The following WDR17 variants were observed in gnomAD, a reference collection of about 807,000 sequenced individuals.
The protein encoded by WDR17 is WD repeat-containing protein 17.
A neutral mutation model predicts 161.7 loss-of-function variants in WDR17; 143 were observed. The observed-to-expected ratio is 0.88, with a 90% CI of 0.77 to 1.02. The LOEUF (loss-of-function observed/expected upper bound fraction) is 1.02, where lower values mean the gene tolerates loss of function less well. Among genes scored for constraint, WDR17 ranks in the 50% least tolerant of loss-of-function variants. WDR17 has a pLI of 0.00. For missense variants in WDR17, 1,469 were observed against 1,520.9 expected (o/e 0.97, Z 0.57); for synonymous variants, 517 against 515.6 (o/e 1.00, Z -0.04).
chr4:176,175,828 G>A (rs1049629448), intron 26 of WDR17, among the ~76,000 whole-genome samples: 1 of 152,138 alleles, frequency 6.6e-6, no homozygotes, highest in Non-Finnish European at 1.5e-5. Flanking sequence ...CAAAGTGCTG[G>A]GATTACAGGC....
intron 1 of WDR17, among the ~76,000 whole-genome samples, chr4:176,090,367 G>A (rs947749784): frequency 1.3e-5 from 2 of 151,746 alleles, no homozygotes; most frequent in African/African-American, 4.8e-5. Context: ...ATCAGTGGAA[G>A]TAATCTGAGG....
chr4:176,133,961 A>G (rs1249304969), intron 7 of WDR17, among the ~76,000 whole-genome samples: 1 of 151,768 alleles, frequency 6.6e-6, no homozygotes, highest in Non-Finnish European at 1.5e-5. Flanking sequence ...TCTTATTTCA[A>G]AAAATAAAAT....
At chr4:176,116,667 A>C (rs928437166) in intron 3 of WDR17, among the ~76,000 whole-genome samples, 6 of 151,876 alleles carry the variant, frequency 4.0e-5, no homozygotes, top group Non-Finnish European at 8.9e-5. Flanking sequence ...TTCTCTAAAA[A>C]TAATTGTTAT....
At chr4:176,151,365 G>C (rs1579198337) in intron 16 of WDR17, among the ~76,000 whole-genome samples, 1 of 152,054 alleles carries the variant, frequency 6.6e-6, no homozygotes, top group East Asian at 1.9e-4. Context: ...AAGAACAATG[G>C]GGTTCAATCT....
At chr4:176,101,763 C>A (rs974352405) in intron 1 of WDR17, among the ~76,000 whole-genome samples, 2 of 151,660 alleles carry the variant, frequency 1.3e-5, no homozygotes, top group African/African-American at 4.8e-5. Flanking sequence ...GGAGCAAAGG[C>A]GATACAGTGA....
intron 1 of WDR17, among the ~76,000 whole-genome samples, chr4:176,071,231 A>C (rs1176404534): frequency 6.6e-6 from 1 of 151,504 alleles, no homozygotes; most frequent in African/African-American, 2.4e-5. Flanking sequence ...ATATTTACTT[A>C]TTTCCTTCCA....
At position 176,125,151 on chromosome 4, in the gene WDR17, A is replaced by G. The variant is rs751134568; in HGVS notation, c.586A>G (p.Thr196Ala). Residue 196 changes from threonine to alanine, a missense_variant, in exon 5 of 29, where the codon ACA becomes GCA. Transcript: ENST00000508596. ...TTTGAGACCAGAATCTCTTGAAGGG[A>G]CAGATGAAGAGGATCCAGTTACGGC... ...HVLRPESLEG[T>A]DEEDPVTALE... 2.5e-6 allele frequency: 4 copies of G among 1,614,172 alleles called. No individual in the cohort carries two copies. The South Asian group carries it at 4.4e-5, about 18-fold the overall frequency.
chr4:176,176,813 C>T lies in WDR17; in HGVS notation c.3450-245C>T, dbSNP rs537214845. Among the ~76,000 whole-genome samples, 184 of 83,680 alleles carry T rather than the reference C, an allele frequency of 2.2e-3. 5 individuals carry two copies. Among genetic ancestry groups the T allele is most frequent in the East Asian group, 1.6e-3 (4 of 2,430 alleles). The allele number at this position is 83,680 out of a possible 152,430, so 54.9% of individuals were successfully genotyped here. A position where few individuals can be genotyped will look rare whatever the true frequency, so the allele number is the denominator to read the frequency against. ...ACATTATGCAGTTCATTTATTTATC[C>T]ACTCACTCATTTACTCATCCACCCA... On this transcript the variant is annotated intron_variant, in intron 26 of 28. Coordinates refer to ENST00000508596, the MANE Select transcript of WDR17 (RefSeq NM_181265.4).
chr4:176,086,187 G>A (rs918020401), intron 1 of WDR17, among the ~76,000 whole-genome samples: 12 of 151,798 alleles, frequency 7.9e-5, no homozygotes, highest in South Asian at 2.1e-4. Context: ...TTTAAAGTTT[G>A]GTTAAATTTT....
At chr4:176,143,336 A>T (rs1745597307) in intron 11 of WDR17, among the ~76,000 whole-genome samples, 1 of 152,204 alleles carries the variant, frequency 6.6e-6, no homozygotes, top group East Asian at 1.9e-4. Context: ...TTCTGTTTTC[A>T]ATCAGCCACC....
chr4:176,133,475 A>ATGT (rs1743891147), intron 7 of WDR17, among the ~76,000 whole-genome samples: 1 of 150,186 alleles, frequency 6.7e-6, no homozygotes, highest in African/African-American at 2.4e-5. Context: ...GTATTAAAGT[A>ATGT]TGTTTTACTT....
chr4:176,173,357 A>T lies in WDR17; in HGVS notation c.3335A>T (p.His1112Leu), dbSNP rs369330612. 1.5e-4 allele frequency: 235 copies of T among 1,609,220 alleles called. No homozygotes were observed. The highest frequency in any genetic ancestry group is 1.9e-4 in the Non-Finnish European group (227 of 1,177,006). Residue 1112 changes from histidine to leucine, a missense_variant, in exon 25 of 29, where the codon CAT (histidine) becomes CTT (leucine). Transcript: ENST00000508596. Reference sequence around the variant, plus strand: ...ATTCGTACTGAAAAATTACTCTTGCATACGTGTACTGAGTGAGTATTTTTT... The same window carrying T: ...ATTCGTACTGAAAAATTACTCTTGCTTACGTGTACTGAGTGAGTATTTTTT... ...SYIRTEKLLL[H>L]TCTEARNELL...
chr4:176,074,478 A>G (rs13128081), intron 1 of WDR17, among the ~76,000 whole-genome samples: 78,191 of 151,228 alleles, frequency 0.52, 21,748 homozygotes, highest in South Asian at 0.63. Flanking sequence ...TTAAAAAAGG[A>G]CAGAGTCTCA....
At chr4:176,160,644 C>T (rs558675567) in intron 19 of WDR17, among the ~76,000 whole-genome samples, 25 of 152,292 alleles carry the variant, frequency 1.6e-4, no homozygotes, top group African/African-American at 6.0e-4. Flanking sequence ...GATCTTTAAA[C>T]ATACAAGCAT....
intron 26 of WDR17, among the ~76,000 whole-genome samples, chr4:176,175,493 A>T (rs1417830699): frequency 6.6e-6 from 1 of 152,154 alleles, no homozygotes; most frequent in African/African-American, 2.4e-5. Context: ...CTTAGTAGGT[A>T]ACCATTTTAA....
chr4:176,131,689 T>G lies in WDR17; in HGVS notation c.1049T>G (p.Val350Gly). The change falls in exon 7 of 29, where the codon GTT becomes GGT. Residue 350 changes from valine (V) to glycine (G), a missense_variant. By Grantham distance (109) the Val-to-Gly change is moderately radical. Transcript: ENST00000508596. ...GTGTGTTGTTTCTTGGATGGTGGAG[T>G]TGGACTTTATGATATGGGAGCTAAG... ...HAVCCFLDGG[V>G]GLYDMGAKKW... The G allele has an allele frequency of 1.2e-6, 2 of 1,613,388 alleles. No individual in the cohort carries two copies. Among genetic ancestry groups the G allele is most frequent in the Non-Finnish European group, 1.7e-6 (2 of 1,179,678 alleles).
At chr4:176,083,585 T>A (rs578065838) in intron 1 of WDR17, among the ~76,000 whole-genome samples, 2 of 152,302 alleles carry the variant, frequency 1.3e-5, no homozygotes, top group African/African-American at 4.8e-5. Context: ...ACTGTATCAT[T>A]GTACTATTAA....
intron 23 of WDR17, among the ~76,000 whole-genome samples, chr4:176,171,029 A>G (rs1176651442): frequency 2.0e-5 from 3 of 152,226 alleles, no homozygotes; most frequent in Non-Finnish European, 2.9e-5. Context: ...AGCCTATTTC[A>G]TAATAATATC....
intron 9 of WDR17, 36 bp downstream of exon 9, chr4:176,137,647 T>G: frequency 8.3e-7 from 1 of 1,204,766 alleles, no homozygotes; most frequent in South Asian, 1.7e-5. Flanking sequence ...TAATATAATG[T>G]TTTATACTAT....
Sources: allele counts gnomAD v4.1 joint callset (sites outside exome capture counted in the v4.1 genomes callset), GRCh38; gene constraint gnomAD v4.1.1; transcripts MANE v1.5; gene names NCBI Gene and HGNC (gene_info 2026-07-23, HGNC 2026-07-21).